Variants in CGNL1 observed in about 807,000 individuals in gnomAD.
CGNL1 encodes the protein cingulin like 1.
Under a neutral mutation model 141.2 loss-of-function variants are expected in CGNL1, and 132 were observed. The ratio of observed to expected loss-of-function variants is 0.93; its 90% CI spans 0.81 to 1.08. The LOEUF (loss-of-function observed/expected upper bound fraction) is 1.08. CGNL1 is among the 50% of genes least tolerant of loss of function. The pLI is 0.00. For missense variants in CGNL1, 1,870 were observed against 1,588.6 expected (o/e 1.18, Z -3.01); for synonymous variants, 690 against 622.1 (o/e 1.11, Z -1.63).
At chr15:57,428,939 C>G (rs527497773) in intron 1 of CGNL1, among the ~76,000 whole-genome samples, 1 of 152,004 alleles carries the variant, frequency 6.6e-6, no homozygotes, top group Non-Finnish European at 1.5e-5. Context: ...AGGAGAATTG[C>G]TTGAACCCAG....
At chr15:57,456,876 G>GTCTCATTAAATA (rs2063385366) in intron 7 of CGNL1, among the ~76,000 whole-genome samples, 1 of 152,194 alleles carries the variant, frequency 6.6e-6, no homozygotes, top group African/African-American at 2.4e-5. Context: ...CCAAGATACA[G>GTCTCATTAAATA]GTACTTCAGT....
chr15:57,462,674 G>C lies in CGNL1; in HGVS notation c.2403+782G>C, dbSNP rs190347038. ...TTATTCTGTGATGATTACAGTGACAGCTCAGAGTTAGTAGGCCCTCTCTCC... is the reference window on the plus strand; with the variant it reads ...TTATTCTGTGATGATTACAGTGACACCTCAGAGTTAGTAGGCCCTCTCTCC... On this transcript the variant is annotated intron_variant, in intron 8 of 18. Coordinates refer to ENST00000281282, the MANE Select transcript of CGNL1 (RefSeq NM_032866.5). Among the ~76,000 whole-genome samples the C allele has an allele frequency of 1.1e-3, 162 of 152,296 alleles. 1 individual carries two copies. Among genetic ancestry groups the C allele is most frequent in the African/African-American group, 3.8e-3 (158 of 41,574 alleles).
At chr15:57,444,687 G>A (rs2063230107) in intron 4 of CGNL1, among the ~76,000 whole-genome samples, 1 of 152,138 alleles carries the variant, frequency 6.6e-6, no homozygotes, top group Non-Finnish European at 1.5e-5. Flanking sequence ...GGTGTTCTAA[G>A]TTAAGTGACT....
intron 1 of CGNL1, among the ~76,000 whole-genome samples, chr15:57,433,375 A>C (rs1231462064): frequency 6.6e-6 from 1 of 152,176 alleles, no homozygotes; most frequent in Non-Finnish European, 1.5e-5. Flanking sequence ...ATTCCACTCA[A>C]ATGGTAGTAA....
At chr15:57,429,395 G>T (rs184568806) in intron 1 of CGNL1, among the ~76,000 whole-genome samples, 25 of 152,296 alleles carry the variant, frequency 1.6e-4, no homozygotes, top group African/African-American at 5.8e-4. Context: ...GTGACTGCAG[G>T]GGTGCAGTGA....
At chr15:57,402,535 C>G (rs1025697221) in intron 1 of CGNL1, 1 of 152,290 alleles carries the variant, frequency 6.6e-6, no homozygotes, top group African/African-American at 2.4e-5. Context: ...GAGCCATGAT[C>G]CCAGCCCTGG....
At chr15:57,396,420 C>G (rs1290748352) in intron 1 of CGNL1, among the ~76,000 whole-genome samples, 1 of 152,046 alleles carries the variant, frequency 6.6e-6, no homozygotes, top group Non-Finnish European at 1.5e-5. Flanking sequence ...GCTACAGGTG[C>G]ATGCCACCAT....
rs1363146215 is a variant in CGNL1, at chr15:57,439,032, A to G, written c.1033A>G (p.Ile345Val). The G allele has an allele frequency of 6.2e-7, 1 of 1,614,116 alleles. No homozygotes were observed. The highest frequency in any genetic ancestry group is 1.3e-5 in the African/African-American group (1 of 74,936). ...IPFLPGTGRD[I>V]DTGSIPGVDQ... is the part of the protein sequence containing the mutation. ...CTTCCTGCCAGGAACTGGACGGGAT[A>G]TTGATACAGGATCAATTCCTGGTGT... The change falls in exon 2 of 19, where the codon ATT becomes GTT. Residue 345 changes from isoleucine to valine, a missense_variant. Coordinates refer to ENST00000281282, the MANE Select transcript of CGNL1 (RefSeq NM_032866.5).
intron 1 of CGNL1, among the ~76,000 whole-genome samples, chr15:57,436,618 T>C (rs1219922202): frequency 3.3e-5 from 5 of 151,792 alleles, no homozygotes; most frequent in African/African-American, 1.2e-4. Flanking sequence ...GATTAAAGAA[T>C]GAAAATAAAC....
At chr15:57,434,010 A>T (rs932916565) in intron 1 of CGNL1, among the ~76,000 whole-genome samples, 1 of 134,768 alleles carries the variant, frequency 7.4e-6, no homozygotes, top group Non-Finnish European at 1.6e-5. Flanking sequence ...TTGGTCCTTC[A>T]TTCTTAAATA....
At chr15:57,465,339 C>T (rs1180082157) in intron 8 of CGNL1, among the ~76,000 whole-genome samples, 1 of 151,420 alleles carries the variant, frequency 6.6e-6, no homozygotes, top group African/African-American at 2.4e-5. Flanking sequence ...TTTTCCTGCC[C>T]CAGGGGGAGA....
chr15:57,502,480 T>A (rs2064038999), intron 8 of CGNL1, among the ~76,000 whole-genome samples: 1 of 152,198 alleles, frequency 6.6e-6, no homozygotes, highest in Non-Finnish European at 1.5e-5. Context: ...GTTGGTGTCT[T>A]AAATAATGCT....
At position 57,439,044 on chromosome 15, in the gene CGNL1, T is replaced by C. The variant is rs1466116404; in HGVS notation, c.1045T>C (p.Ser349Pro). Reference protein sequence around the residue: ...PGTGRDIDTGSIPGVDQLIEK... With the variant: ...PGTGRDIDTGPIPGVDQLIEK... The stretch of plus-strand genomic sequence containing the variant: ...AACTGGACGGGATATTGATACAGGA[T>C]CAATTCCTGGTGTGGATCAGTTAAT... Residue 349 changes from serine (S) to proline (P), a missense_variant, in exon 2 of 19, where the codon TCA becomes CCA. By Grantham distance (74) the Ser-to-Pro change is moderately conservative. Coordinates refer to ENST00000281282, the MANE Select transcript of CGNL1 (RefSeq NM_032866.5). 2.5e-6 allele frequency: 4 copies of C among 1,614,058 alleles called. No homozygotes were observed. The African/African-American group carries it at 4.0e-5, about 16-fold the overall frequency.
chr15:57,471,760 C>G (rs2063584752), intron 8 of CGNL1, among the ~76,000 whole-genome samples: 1 of 152,190 alleles, frequency 6.6e-6, no homozygotes, highest in East Asian at 1.9e-4. Flanking sequence ...GTGTCAATGT[C>G]TAACTGTTGG....
intron 7 of CGNL1, among the ~76,000 whole-genome samples, chr15:57,457,459 C>G (rs1207028280): frequency 2.6e-5 from 4 of 152,130 alleles, no homozygotes; most frequent in Admixed American, 6.5e-5. Context: ...GGTGGACCTC[C>G]TTAAAGGGCC....
chr15:57,400,887 TAAAAAAAA>T (rs35735890), intron 1 of CGNL1, among the ~76,000 whole-genome samples: 1 of 77,898 alleles, frequency 1.3e-5, no homozygotes, highest in South Asian at 5.1e-4. Context: ...TGTCTCAAAT[TAAAAAAAA>T]AAAAAAAAAA....
At chr15:57,408,038 C>A (rs138555386) in intron 1 of CGNL1, among the ~76,000 whole-genome samples, 1 of 151,752 alleles carries the variant, frequency 6.6e-6, no homozygotes, top group Non-Finnish European at 1.5e-5. Flanking sequence ...TGTGAGCCAC[C>A]GTTACCAGCA....
intron 8 of CGNL1, among the ~76,000 whole-genome samples, chr15:57,473,214 A>G (rs1663240753): frequency 6.6e-6 from 1 of 152,228 alleles, no homozygotes; most frequent in South Asian, 2.1e-4. Flanking sequence ...AAAAAGCTTT[A>G]TTATTGGAAA....
At chr15:57,464,934 T>C (rs2063493166) in intron 8 of CGNL1, among the ~76,000 whole-genome samples, 1 of 152,014 alleles carries the variant, frequency 6.6e-6, no homozygotes, top group Non-Finnish European at 1.5e-5. Context: ...GTATTTTTAG[T>C]AGAGATGGGC....
Sources: gnomAD v4.1 joint callset for allele counts (sites outside exome capture counted in the v4.1 genomes callset) on GRCh38, gnomAD v4.1.1 for gene constraint, MANE v1.5 for transcripts, NCBI Gene and HGNC (gene_info 2026-07-23, HGNC 2026-07-21) for gene names.